The following ZNF366 variants were observed in gnomAD, a reference collection of about 807,000 sequenced individuals.
The protein encoded by ZNF366 is zinc finger protein 366, also known as dendritic cell-specific transcript protein.
ZNF366 carries 20 observed loss-of-function variants against 47.2 expected under a neutral mutation model. That is an observed-to-expected ratio of 0.42 (90% confidence interval 0.30 to 0.62). ZNF366 has a LOEUF of 0.62. Ranked by LOEUF, ZNF366 falls within the 20% of genes least tolerant of loss-of-function variation. ZNF366 has a pLI of 0.16. For synonymous variants in ZNF366, 421 were observed against 395.1 expected (o/e 1.07, Z -0.78); for missense variants, 987 against 976.3 (o/e 1.01, Z -0.15).
chr5:72,477,586 A>G (rs1743699668), intron 1 of ZNF366, among the ~76,000 whole-genome samples: 1 of 152,220 alleles, frequency 6.6e-6, no homozygotes, highest in South Asian at 2.1e-4. Context: ...AATGATAGCT[A>G]TTATTAACTG....
chr5:72,457,309 T>G (rs11749683), intron 2 of ZNF366, among the ~76,000 whole-genome samples: 7 of 152,004 alleles, frequency 4.6e-5, no homozygotes, highest in Admixed American at 3.3e-4. Flanking sequence ...ACCAAGGCCC[T>G]TAATTGAGAG....
chr5:72,448,807 T>TC (rs1485741657), intron 3 of ZNF366, among the ~76,000 whole-genome samples: 1 of 152,216 alleles, frequency 6.6e-6, no homozygotes, highest in Non-Finnish European at 1.5e-5. Context: ...AAAGAGTAGA[T>TC]AGACCTCTCA....
intron 1 of ZNF366, among the ~76,000 whole-genome samples, chr5:72,492,284 G>A (rs1434391858): frequency 1.3e-5 from 2 of 152,292 alleles, no homozygotes; most frequent in East Asian, 1.9e-4. Flanking sequence ...GGCAGAAAAT[G>A]GGTCTTACTT....
In ZNF366 at chr5:72,461,074, G is replaced by T. The variant is rs543126714; in HGVS notation, c.423C>A (p.Ser141Arg). 8.7e-5 allele frequency: 141 copies of T among 1,614,028 alleles called. No individual in the cohort carries two copies. Among genetic ancestry groups the T allele is most frequent in the Middle Eastern group, 3.3e-4 (2 of 6,084 alleles). ...CGGGCTTGCCCCCAAAGTGTTCCAGGCTGCGGTAGAATTGGAAGCCCACGT... is the reference window on the plus strand; with the variant it reads ...CGGGCTTGCCCCCAAAGTGTTCCAGTCTGCGGTAGAATTGGAAGCCCACGT... ...LCNVGFQFYR[S>R]LEHFGGKPVK... Residue 141 changes from serine (S) to arginine (R), a missense_variant, in exon 2 of 5, where the codon AGC becomes AGA. Coordinates refer to ENST00000318442, the MANE Select transcript of ZNF366 (RefSeq NM_152625.3).
chr5:72,469,303 C>A (rs995012559), intron 1 of ZNF366, among the ~76,000 whole-genome samples: 25 of 151,424 alleles, frequency 1.7e-4, no homozygotes, highest in African/African-American at 5.8e-4. Context: ...TGTAATTTGT[C>A]AAAATTTAAA....
intron 1 of ZNF366, among the ~76,000 whole-genome samples, chr5:72,500,962 T>C (rs1269222540): frequency 6.6e-6 from 1 of 152,216 alleles, no homozygotes; most frequent in Non-Finnish European, 1.5e-5. Context: ...GATGACACTT[T>C]TTCCTTATAA....
Position 72,456,606 on chromosome 5 carries a change from GC to G in ZNF366, c.1333-12del. ...ATGCTCCTTCACACCCTGCAGGGAG[GC>G]AAGATTCAGAAAAGTGGTGATTGAC... On this transcript the variant is annotated splice_polypyrimidine_tract_variant and intron_variant, in intron 2 of 4. Transcript: ENST00000318442. 1 of 1,567,000 alleles carries G rather than the reference GC, an allele frequency of 6.4e-7. No homozygotes were observed. The highest frequency in any genetic ancestry group is 1.2e-5 in the South Asian group (1 of 86,230).
intron 1 of ZNF366, among the ~76,000 whole-genome samples, chr5:72,463,844 C>G (rs565236114): frequency 6.6e-6 from 1 of 152,228 alleles, no homozygotes; most frequent in Admixed American, 6.5e-5. Flanking sequence ...GGCCCTGGCC[C>G]AAGAATTTGT....
At chr5:72,449,208 T>C (rs1055915666) in intron 3 of ZNF366, among the ~76,000 whole-genome samples, 3 of 152,098 alleles carry the variant, frequency 2.0e-5, no homozygotes, top group Non-Finnish European at 4.4e-5. Flanking sequence ...TTGTATTTAT[T>C]AGCTTAATTT....
intron 1 of ZNF366, among the ~76,000 whole-genome samples, chr5:72,501,195 T>C (rs1744203949): frequency 6.6e-6 from 1 of 152,168 alleles, no homozygotes; most frequent in Non-Finnish European, 1.5e-5. Context: ...GTGGTGGCAG[T>C]GCCGTTGTTG....
Position 72,460,176 on chromosome 5 carries a change from G to A in ZNF366, c.1321C>T (p.Leu441Phe), listed in dbSNP as rs1743270621. ...AGGCCCCGCAGTACCTTGTGGGTGA[G>A]GGAGTGCTGCTTGAGGTGGTGCGGC... is the stretch of plus-strand genomic sequence containing the variant. ...VQPHHLKQHS[L>F]THKGVKEHKC... The change falls in exon 2 of 5, where the codon CTC (leucine) becomes TTC (phenylalanine). Residue 441 changes from leucine (L) to phenylalanine (F), a missense_variant. Coordinates refer to ENST00000318442, the MANE Select transcript of ZNF366 (RefSeq NM_152625.3). 3 of 1,613,928 alleles carry A rather than the reference G, an allele frequency of 1.9e-6. No individual in the cohort carries two copies. Among genetic ancestry groups the A allele is most frequent in the African/African-American group, 2.7e-5 (2 of 74,932 alleles).
In ZNF366 at chr5:72,444,198, C is replaced by G; in HGVS notation, c.1793G>C (p.Arg598Pro). The change falls in exon 5 of 5, where the codon CGG becomes CCG. Residue 598 changes from arginine to proline, a missense_variant. Transcript: ENST00000318442. ...TGACTGGAACACCGGCACCTTGGCCCGGCGCTTCTGAGAGAGGTCAAAGGG... is the reference window on the plus strand; with the variant it reads ...TGACTGGAACACCGGCACCTTGGCCGGGCGCTTCTGAGAGAGGTCAAAGGG... ...EEPFDLSQKR[R>P]AKVPVFQSDG... is the part of the protein sequence containing the mutation. The G allele has an allele frequency of 6.2e-7, 1 of 1,613,434 alleles. No homozygotes were observed. Among genetic ancestry groups the G allele is most frequent in the Non-Finnish European group, 8.5e-7 (1 of 1,180,036 alleles).
At chr5:72,462,178 G>C (rs1359002850) in intron 1 of ZNF366, among the ~76,000 whole-genome samples, 1 of 152,164 alleles carries the variant, frequency 6.6e-6, no homozygotes, top group African/African-American at 2.4e-5. Context: ...CTAAGGCATA[G>C]GGAGTGAATG....
At chr5:72,494,940 T>A (rs1744081764) in intron 1 of ZNF366, among the ~76,000 whole-genome samples, 1 of 152,200 alleles carries the variant, frequency 6.6e-6, no homozygotes, top group Non-Finnish European at 1.5e-5. Context: ...GTAACTTAAC[T>A]GGCTCAACCC....
chr5:72,457,360 T>A (rs1480456299), intron 2 of ZNF366, among the ~76,000 whole-genome samples: 1 of 152,182 alleles, frequency 6.6e-6, no homozygotes, highest in Non-Finnish European at 1.5e-5. Context: ...CATTCACTAA[T>A]CCTGACTATC....
chr5:72,480,872 TC>T (rs968654409), intron 1 of ZNF366, among the ~76,000 whole-genome samples: 25 of 152,218 alleles, frequency 1.6e-4, no homozygotes, highest in Non-Finnish European at 2.9e-5. Context: ...CATGGAAAAT[TC>T]CACGTGAGTG....
intron 1 of ZNF366, among the ~76,000 whole-genome samples, chr5:72,475,273 T>C (rs1743650583): frequency 2.0e-5 from 3 of 152,170 alleles, no homozygotes; most frequent in African/African-American, 7.2e-5. Flanking sequence ...CTGATGTATT[T>C]ACTGCCCAAC....
intron 1 of ZNF366, among the ~76,000 whole-genome samples, chr5:72,489,010 T>G (rs1303283835): frequency 6.6e-6 from 1 of 152,200 alleles, no homozygotes; most frequent in Non-Finnish European, 1.5e-5. Flanking sequence ...CATGACTTGC[T>G]TTGTGTAATA....
intron 1 of ZNF366, among the ~76,000 whole-genome samples, chr5:72,484,496 AAT>A (rs1743854667): frequency 7.0e-6 from 1 of 143,314 alleles, no homozygotes. Context: ...AAAAAAAAAA[AAT>A]AATAATAATA....
Sources: gnomAD v4.1 joint callset for allele counts (sites outside exome capture counted in the v4.1 genomes callset) on GRCh38, gnomAD v4.1.1 for gene constraint, MANE v1.5 for transcripts, NCBI Gene and HGNC (gene_info 2026-07-23, HGNC 2026-07-21) for gene names.